Variants in TBCD observed in about 807,000 individuals in gnomAD.
TBCD encodes tubulin-specific chaperone D.
In TBCD, 105 loss-of-function variants were observed where a neutral mutation model predicts 169.3. The observed-to-expected ratio is 0.62, with a 90% CI of 0.53 to 0.73. The LOEUF (loss-of-function observed/expected upper bound fraction) is 0.73, where lower values mean the gene tolerates loss of function less well. Among genes scored for constraint, TBCD ranks in the 30% least tolerant of loss-of-function variants. TBCD has a pLI of 0.00. For missense variants in TBCD, 1,444 were observed against 1,600.1 expected (o/e 0.90, Z 1.66); for synonymous variants, 700 against 643.9 (o/e 1.09, Z -1.32).
At chr17:82,805,091 TCA>T (rs1328896134) in intron 9 of TBCD, among the ~76,000 whole-genome samples, 1 of 152,244 alleles carries the variant, frequency 6.6e-6, no homozygotes, top group Non-Finnish European at 1.5e-5. Flanking sequence ...CGCCCTGCAC[TCA>T]CCCTTGGCAG....
Position 82,941,776 on chromosome 17 carries a change from C to CTGTT in TBCD, c.3564+297_3564+300dup. On this transcript the variant is annotated intron_variant, in intron 38 of 38. Transcript: ENST00000355528. ...GGCTCCTCATGCCTGGCCCTGGGGT[C>CTGTT]TGTTTGTGCTCCAAGTGCCAAGAGT... The CTGTT allele has an allele frequency of 1.1e-5, 5 of 454,726 alleles. No individual in the cohort carries two copies. The South Asian group carries it at 1.7e-4, about 15-fold the overall frequency. 28.2% of individuals were successfully genotyped at this position (454,726 alleles called of 1,614,324 possible). A position where few individuals can be genotyped will look rare whatever the true frequency, so the allele number is the denominator to read the frequency against.
rs560669044 is a variant in TBCD, at chr17:82,926,586, T to C, written c.2471+95T>C. ...TGTTTTTGCTCAGAGGCAGGACTTA[T>C]GATTCTTCACTTCCTAGGTTTCCTC... On this transcript the variant is annotated intron_variant, in intron 28 of 38. Coordinates refer to ENST00000355528, the MANE Select transcript of TBCD (RefSeq NM_005993.5). 2.0e-4 allele frequency: 204 copies of C among 1,031,016 alleles called. No individual in the cohort carries two copies. The highest frequency in any genetic ancestry group is 2.6e-4 in the Non-Finnish European group (180 of 682,206). 63.9% of individuals were successfully genotyped at this position (1,031,016 alleles called of 1,614,324 possible). A position where few individuals can be genotyped will look rare whatever the true frequency, so the allele number is the denominator to read the frequency against.
At chr17:82,807,726 T>G (rs1041612812) in intron 11 of TBCD, 58 bp downstream of exon 11, 1 of 1,320,548 alleles carries the variant, frequency 7.6e-7, no homozygotes, top group African/African-American at 1.5e-5. Context: ...TCCTGTGCGA[T>G]TCAGCAGCTA....
Position 82,870,338 on chromosome 17 carries a change from A to T in TBCD, c.1433A>T (p.Tyr478Phe), listed in dbSNP as rs756576748. The change falls in exon 14 of 39, where the codon TAT becomes TTT. Residue 478 changes from tyrosine (Y) to phenylalanine (F), a missense_variant. Physicochemically the swap from Tyr to Phe is conservative, Grantham distance 22. Transcript: ENST00000355528. ...CYVCWAFARA[Y>F]EPQELKPFVT... The stretch of plus-strand genomic sequence containing the variant: ...GTGTGCTGGGCCTTCGCGCGTGCCT[A>T]TGAGCCTCAGGAGCTGAAGCCCTTT... 1 of 1,613,328 alleles carries T rather than the reference A, an allele frequency of 6.2e-7. No homozygotes were observed. Among genetic ancestry groups the T allele is most frequent in the Non-Finnish European group, 8.5e-7 (1 of 1,179,870 alleles).
chr17:82,934,162 C>T (rs1328562643), intron 34 of TBCD, among the ~76,000 whole-genome samples: 2 of 152,362 alleles, frequency 1.3e-5, no homozygotes, highest in African/African-American at 4.8e-5. Context: ...TGCTCAGAAC[C>T]TGAGCGAGCT....
intron 2 of TBCD, among the ~76,000 whole-genome samples, chr17:82,759,848 CTA>C (rs55775765): frequency 0.032 from 4,787 of 150,086 alleles, 110 homozygotes; most frequent in Non-Finnish European, 0.055. Flanking sequence ...TTCCATTGAC[CTA>C]TCTGTATGCT....
Position 82,903,459 on chromosome 17 carries a change from C to T in TBCD, c.1785C>T (p.Pro595=), listed in dbSNP as rs759615847. Reference sequence around the variant, plus strand: ...TGCACAACCTGGCCCAGCAGGCACCCGAGTTCAGCGCCACGCAAGGTGGGT... The same window carrying T: ...TGCACAACCTGGCCCAGCAGGCACCTGAGTTCAGCGCCACGCAAGGTGGGT... The part of the protein sequence containing the change: ...RALHNLAQQA[P]EFSATQVFPR... The change falls in exon 19 of 39, where the codon CCC becomes CCT. Residue 595 remains proline, a synonymous_variant. Coordinates refer to ENST00000355528, the MANE Select transcript of TBCD (RefSeq NM_005993.5). This position sits in a 1 kb window ranked among gnomAD's most constrained non-coding sequence, Gnocchi z 4.8. 21 of 1,598,174 alleles carry T rather than the reference C, an allele frequency of 1.3e-5. No homozygotes were observed. The highest frequency in any genetic ancestry group is 4.5e-5 in the East Asian group (2 of 44,140).
chr17:82,781,388 C>G (rs2048940360), intron 6 of TBCD, among the ~76,000 whole-genome samples: 1 of 151,628 alleles, frequency 6.6e-6, no homozygotes, highest in East Asian at 1.9e-4. Flanking sequence ...GGGCCCTGGT[C>G]AGGGCAGCGA....
intron 16 of TBCD, among the ~76,000 whole-genome samples, chr17:82,892,438 T>G (rs2059207255): frequency 6.6e-6 from 1 of 152,108 alleles, no homozygotes; most frequent in Non-Finnish European, 1.5e-5. Context: ...GGCAGAAGTT[T>G]ATGGTATCTC....
chr17:82,785,079 C>T (rs602351), intron 7 of TBCD, among the ~76,000 whole-genome samples: 730 of 49,486 alleles, frequency 0.015, 60 homozygotes, highest in Admixed American at 0.026. Flanking sequence ...GACCACTGGA[C>T]CCCACCCATC....
chr17:82,780,214 C>G (rs1022801339), intron 6 of TBCD, among the ~76,000 whole-genome samples: 1 of 152,226 alleles, frequency 6.6e-6, no homozygotes, highest in Admixed American at 6.5e-5. Flanking sequence ...CAGCACTTTC[C>G]TCCCAGGTTT....
chr17:82,941,272 C>A, intron 37 of TBCD, 127 bp from the exon 38 acceptor site: 1 of 730,342 alleles, frequency 1.4e-6, no homozygotes, highest in Non-Finnish European at 2.2e-6. Flanking sequence ...CTCAGCCTGG[C>A]TATGGATGTC....
chr17:82,930,967 C>T lies in TBCD; in HGVS notation c.3113+324C>T, dbSNP rs1030290948. Among the ~76,000 whole-genome samples the T allele has an allele frequency of 3.3e-5, 5 of 152,246 alleles. No homozygotes were observed. Among genetic ancestry groups the T allele is most frequent in the African/African-American group, 1.2e-4 (5 of 41,464 alleles). ...GAAGGCGTTGTGGGAGCTCCTCCAG[C>T]TTGGTGCTCCCACGGACGTGCTTGC... On this transcript the variant is annotated intron_variant, in intron 33 of 38. Coordinates refer to ENST00000355528, the MANE Select transcript of TBCD (RefSeq NM_005993.5). The surrounding 1 kb of genome is among the most constrained non-coding windows in gnomAD (Gnocchi z 5.2).
At position 82,929,702 on chromosome 17, in the gene TBCD, G is replaced by T. The variant is rs549185902; in HGVS notation, c.2991+202G>T. ...TAGGGCCTGTGGGATGGTTGAGTCT[G>T]ATGAAGGTGGGACAGGGCCAGCGCC... On this transcript the variant is annotated intron_variant, in intron 32 of 38. Transcript: ENST00000355528. 1.2e-5 allele frequency: 9 copies of T among 743,326 alleles called. No homozygotes were observed. The East Asian group carries it at 2.4e-4, about 20-fold the overall frequency. The allele number at this position is 743,326 out of a possible 1,614,324, so 46.0% of individuals were successfully genotyped here. A position where few individuals can be genotyped will look rare whatever the true frequency, so the allele number is the denominator to read the frequency against.
chr17:82,930,399 C>CT lies in TBCD; in HGVS notation c.2992-121dup, dbSNP rs2062099890. On this transcript the variant is annotated intron_variant, in intron 32 of 38. Coordinates refer to ENST00000355528, the MANE Select transcript of TBCD (RefSeq NM_005993.5). This position sits in a 1 kb window ranked among gnomAD's most constrained non-coding sequence, Gnocchi z 5.2. ...CCGCACCAGCCGCTTGGGGCCAGAC[C>CT]TTCGCGTCTCTGCAGCTCGGAGCAG... is the stretch of plus-strand genomic sequence containing the variant. 3 of 1,408,878 alleles carry CT rather than the reference C, an allele frequency of 2.1e-6. No individual in the cohort carries two copies. The African/African-American group carries it at 4.3e-5, about 20-fold the overall frequency. The allele number at this position is 1,408,878 out of a possible 1,614,324, so 87.3% of individuals were successfully genotyped here.
intron 17 of TBCD, among the ~76,000 whole-genome samples, chr17:82,899,667 G>A (rs552541745): frequency 4.6e-5 from 7 of 152,200 alleles, no homozygotes; most frequent in African/African-American, 1.7e-4. Flanking sequence ...TAAAGAGTTA[G>A]AATTTTTATA....
chr17:82,806,299 C>T lies in TBCD; in HGVS notation c.1087+288C>T, dbSNP rs2050957691. Among the ~76,000 whole-genome samples, 1 of 152,168 alleles carries T rather than the reference C, an allele frequency of 6.6e-6. No homozygotes were observed. Among genetic ancestry groups the T allele is most frequent in the African/African-American group, 2.4e-5 (1 of 41,444 alleles). On this transcript the variant is annotated intron_variant, in intron 10 of 38. Transcript: ENST00000355528. This position sits in a 1 kb window ranked among gnomAD's most constrained non-coding sequence, Gnocchi z 5.1. The stretch of plus-strand genomic sequence containing the variant: ...GGCAGCTGGGTGTGTCCTCAGGAAA[C>T]AGTTCTCCCAGGAAATTGAGTTGGG...
chr17:82,908,471 G>A, intron 21 of TBCD: 1 of 428,530 alleles, frequency 2.3e-6, no homozygotes, highest in South Asian at 1.7e-5. Context: ...GGTGTTACAG[G>A]AGAATATAAA....
chr17:82,809,997 A>G (rs940466894), intron 12 of TBCD, among the ~76,000 whole-genome samples: 2 of 152,160 alleles, frequency 1.3e-5, no homozygotes, highest in African/African-American at 4.8e-5. Flanking sequence ...TTAAGGAAAA[A>G]GAGAGTCAGT....
Sources: gnomAD v4.1 joint callset for allele counts (sites outside exome capture counted in the v4.1 genomes callset) on GRCh38, gnomAD v4.1.1 for gene constraint, Gnocchi (gnomAD v3.1) non-coding constraint, MANE v1.5 for transcripts, NCBI Gene and HGNC (gene_info 2026-07-23, HGNC 2026-07-21) for gene names.